The following DAG1 variants were observed in gnomAD, a reference collection of about 807,000 sequenced individuals.
DAG1 encodes the protein dystroglycan 1 (dystrophin-associated glycoprotein 1).
Under a neutral mutation model 46.1 loss-of-function variants are expected in DAG1, and 8 were observed. That is an observed-to-expected ratio of 0.17 (90% CI 0.10 to 0.31). The LOEUF is 0.31. DAG1 is among the 10% of genes least tolerant of loss of function. The pLI is 1.00. For missense variants in DAG1, 1,003 were observed against 1,189.9 expected (o/e 0.84, Z 2.31); for synonymous variants, 495 against 481.8 (o/e 1.03, Z -0.36).
Position 49,514,379 on chromosome 3 carries a change from C to T in DAG1, c.285+3560C>T, listed in dbSNP as rs550970359. Among the ~76,000 whole-genome samples, 59 of 152,220 alleles carry T rather than the reference C, an allele frequency of 3.9e-4. No homozygotes were observed. The South Asian group carries it at 6.2e-3, about 16-fold the overall frequency. ...TACCATTCAGAGTGAAGTCCTCTAC[C>T]GTTTTCTATGCTCATCAAGAGATGG... On this transcript the variant is annotated intron_variant, in intron 2 of 2. Transcript: ENST00000308775.
At chr3:49,486,366 A>C (rs915933766) in intron 1 of DAG1, among the ~76,000 whole-genome samples, 6 of 150,384 alleles carry the variant, frequency 4.0e-5, no homozygotes, top group Admixed American at 1.3e-4. Flanking sequence ...CTATAGGCGC[A>C]TGCCACCACG....
intron 1 of DAG1, among the ~76,000 whole-genome samples, chr3:49,481,811 G>GT (rs751136917): frequency 1.5e-4 from 23 of 152,188 alleles, no homozygotes; most frequent in Non-Finnish European, 2.8e-4. Context: ...TGTATATGAG[G>GT]TATGAGAATC....
chr3:49,469,457 C>A (rs1171667117), upstream of DAG1, among the ~76,000 whole-genome samples: 1 of 152,142 alleles, frequency 6.6e-6, no homozygotes, highest in Non-Finnish European at 1.5e-5. Flanking sequence ...ATGTTCCAGG[C>A]AGCAACCCCC....
At chr3:49,475,253 C>T (rs1299675360) in intron 1 of DAG1, among the ~76,000 whole-genome samples, 3 of 145,636 alleles carry the variant, frequency 2.1e-5, no homozygotes, top group Non-Finnish European at 4.5e-5. Flanking sequence ...TACAGGCATG[C>T]GTCAGCATGC....
intron 1 of DAG1, among the ~76,000 whole-genome samples, chr3:49,494,448 A>G (rs913338951): frequency 1.3e-5 from 2 of 152,118 alleles, no homozygotes; most frequent in African/African-American, 4.8e-5. Context: ...TAGGTCAGAA[A>G]GGCCACCAGC....
At chr3:49,509,308 A>G (rs1209144081) in intron 1 of DAG1, among the ~76,000 whole-genome samples, 2 of 152,154 alleles carry the variant, frequency 1.3e-5, no homozygotes, top group African/African-American at 4.8e-5. Context: ...AGTGGTGTGC[A>G]CCTGAAGTCC....
intron 1 of DAG1, among the ~76,000 whole-genome samples, chr3:49,491,394 C>T (rs994140935): frequency 6.6e-6 from 1 of 151,638 alleles, no homozygotes; most frequent in Non-Finnish European, 1.5e-5. Context: ...TCACTGCAGC[C>T]TCTGCCTCCT....
intron 1 of DAG1, among the ~76,000 whole-genome samples, chr3:49,490,501 A>G (rs1043822916): frequency 4.6e-5 from 7 of 150,808 alleles, no homozygotes; most frequent in Non-Finnish European, 1.0e-4. Context: ...TTCTATCTAT[A>G]CCTTTTTTTC....
chr3:49,502,727 C>T (rs62261191), intron 1 of DAG1, among the ~76,000 whole-genome samples: 1 of 150,874 alleles, frequency 6.6e-6, no homozygotes, highest in South Asian at 2.1e-4. Context: ...CAAGCTCCGC[C>T]TCCCGGGTTC....
At chr3:49,512,553 G>A (rs1014965829) in intron 2 of DAG1, among the ~76,000 whole-genome samples, 2 of 151,362 alleles carry the variant, frequency 1.3e-5, no homozygotes, top group Admixed American at 6.6e-5. Context: ...CACCATGCCC[G>A]GCTAATTTTT....
chr3:49,505,760 C>G (rs2050589938), intron 1 of DAG1, among the ~76,000 whole-genome samples: 3 of 152,034 alleles, frequency 2.0e-5, no homozygotes, highest in South Asian at 4.1e-4. Context: ...CAACCTCCAC[C>G]TCCCAGGTTC....
rs534669679 is a variant in DAG1, at chr3:49,480,645, CT to C, written c.-117+10221del. Among the ~76,000 whole-genome samples, 114 of 139,680 alleles carry C rather than the reference CT, an allele frequency of 8.2e-4. 15 individuals are homozygous for C. The highest frequency in any genetic ancestry group is 1.5e-3 in the Non-Finnish European group (93 of 60,900). 91.6% of individuals were successfully genotyped at this position (139,680 alleles called of 152,430 possible). A position where few individuals can be genotyped will look rare whatever the true frequency, so the allele number is the denominator to read the frequency against. ...TCCCTAATTCTTAGACAGTTTGGTTCTTTTTTTTTGTTTTTCTTCTTATTAT... is the reference window on the plus strand; with the variant it reads ...TCCCTAATTCTTAGACAGTTTGGTTCTTTTTTTTGTTTTTCTTCTTATTAT... On this transcript the variant is annotated intron_variant, in intron 1 of 2. Transcript: ENST00000308775.
chr3:49,480,031 C>A (rs1026056303), intron 1 of DAG1, among the ~76,000 whole-genome samples: 1 of 143,650 alleles, frequency 7.0e-6, no homozygotes, highest in Non-Finnish European at 1.5e-5. Flanking sequence ...CTCACTGCAA[C>A]CTCTGCCTCC....
At chr3:49,473,382 A>G (rs1182995663) in intron 1 of DAG1, among the ~76,000 whole-genome samples, 2 of 151,856 alleles carry the variant, frequency 1.3e-5, no homozygotes, top group Non-Finnish European at 2.9e-5. Context: ...AGATAGCGCC[A>G]CTGCAGTCCG....
Position 49,502,701 on chromosome 3 carries a change from C to G in DAG1, c.-116-7718C>G, listed in dbSNP as rs62261189. Among the ~76,000 whole-genome samples the G allele has an allele frequency of 1.4e-5, 2 of 144,440 alleles. 1 individual carries two copies. 94.8% of individuals were successfully genotyped at this position (144,440 alleles called of 152,430 possible). A position where few individuals can be genotyped will look rare whatever the true frequency, so the allele number is the denominator to read the frequency against. ...TCGCCTAGGCTGGAGTGCAGTGGTG[C>G]GATCTCGGCTCACTACAAGCTCCGC... On this transcript the variant is annotated intron_variant, in intron 1 of 2. Transcript: ENST00000308775.
chr3:49,472,936 A>G (rs1368593824), intron 1 of DAG1, among the ~76,000 whole-genome samples: 3 of 151,484 alleles, frequency 2.0e-5, no homozygotes, highest in Admixed American at 1.3e-4. Context: ...CCTGGCCGAC[A>G]TGGTGAAACC....
chr3:49,505,117 G>A (rs987022324), intron 1 of DAG1, among the ~76,000 whole-genome samples: 1 of 151,730 alleles, frequency 6.6e-6, no homozygotes, highest in Non-Finnish European at 1.5e-5. Context: ...ACATAGCTGA[G>A]GCCACAGCTG....
upstream of DAG1, among the ~76,000 whole-genome samples, chr3:49,469,421 G>C (rs1374608887): frequency 6.6e-6 from 1 of 152,182 alleles, no homozygotes; most frequent in Non-Finnish European, 1.5e-5. Context: ...GGGAGAGCTA[G>C]AGCTACCTTA....
At chr3:49,516,072 T>A (rs2050888579) in intron 2 of DAG1, among the ~76,000 whole-genome samples, 1 of 152,186 alleles carries the variant, frequency 6.6e-6, no homozygotes, top group Non-Finnish European at 1.5e-5. Flanking sequence ...CTTTTGATTC[T>A]TTCTTCTTTT....
Sources: gnomAD v4.1 joint callset for allele counts (sites outside exome capture counted in the v4.1 genomes callset) on GRCh38, gnomAD v4.1.1 for gene constraint, MANE v1.5 for transcripts, NCBI Gene and HGNC (gene_info 2026-07-23, HGNC 2026-07-21) for gene names.